The following TSHZ2 variants were observed in gnomAD, a reference collection of about 807,000 sequenced individuals.
TSHZ2 encodes the protein teashirt homolog 2.
In TSHZ2, 21 loss-of-function variants were observed where a neutral mutation model predicts 74.4. That is an observed-to-expected ratio of 0.28 (90% confidence interval 0.20 to 0.41). TSHZ2 has a LOEUF of 0.41. Among genes scored for constraint, TSHZ2 ranks in the 10% least tolerant of loss-of-function variants. The probability of loss-of-function intolerance (pLI) is 1.00; values close to 1 mark genes in which losing one functional copy is unlikely to be tolerated. For missense variants in TSHZ2, 1,244 were observed against 1,293.5 expected (o/e 0.96, Z 0.59); for synonymous variants, 540 against 515.3 (o/e 1.05, Z -0.65).
At position 52,973,832 on chromosome 20, in the gene TSHZ2, G is replaced by C. The variant is rs944267381; in HGVS notation, c.40+499G>C. 3.3e-5 allele frequency among the ~76,000 whole-genome samples: 5 copies of C among 152,216 alleles called. No homozygotes were observed. In the South Asian group the frequency reaches 8.3e-4, roughly 25 times the overall value. ...GGGCCAGCAATAGGAGTTTAGCGTTGATCACCAAGGTGGACAAAATGCCCC... is the reference window on the plus strand; with the variant it reads ...GGGCCAGCAATAGGAGTTTAGCGTTCATCACCAAGGTGGACAAAATGCCCC... On this transcript the variant is annotated intron_variant, in intron 1 of 2. Coordinates refer to ENST00000371497, the MANE Select transcript of TSHZ2 (RefSeq NM_173485.6).
chr20:53,253,420 G>C, intron 1 of TSHZ2, 79 bp from the exon 2 acceptor site: 1 of 1,507,184 alleles, frequency 6.6e-7, no homozygotes, highest in Admixed American at 2.2e-5. Flanking sequence ...GGCATGGGAA[G>C]CACTTAGTCT....
At chr20:53,044,259 T>C (rs953353036) in intron 1 of TSHZ2, among the ~76,000 whole-genome samples, 6 of 152,186 alleles carry the variant, frequency 3.9e-5, no homozygotes, top group African/African-American at 1.4e-4. Flanking sequence ...CGTTTCAGAT[T>C]TTGGAGTCTT....
intron 2 of TSHZ2, among the ~76,000 whole-genome samples, chr20:53,338,195 G>A (rs1383504988): frequency 1.3e-5 from 2 of 152,216 alleles, no homozygotes; most frequent in Admixed American, 6.5e-5. Context: ...TATCTGAGCA[G>A]AGAGAATGTC....
Position 53,173,234 on chromosome 20 carries a change from C to G in TSHZ2, c.41-80265C>G, listed in dbSNP as rs1389560672. Among the ~76,000 whole-genome samples the G allele has an allele frequency of 3.9e-5, 6 of 152,314 alleles. No individual in the cohort carries two copies. The East Asian group carries it at 1.2e-3, about 29-fold the overall frequency. ...TAAAGTAGATTAAAATAAAAATCAC[C>G]AAATTGTCCATCCATAAAGGATTGG... On this transcript the variant is annotated intron_variant, in intron 1 of 2. Transcript: ENST00000371497.
chr20:53,093,844 A>G (rs1555824037), intron 1 of TSHZ2, among the ~76,000 whole-genome samples: 1 of 152,240 alleles, frequency 6.6e-6, no homozygotes, highest in Non-Finnish European at 1.5e-5. Context: ...AATCATTATC[A>G]TCATGAATAA....
At chr20:53,226,851 T>TC (rs958106872) in intron 1 of TSHZ2, among the ~76,000 whole-genome samples, 2 of 151,800 alleles carry the variant, frequency 1.3e-5, no homozygotes, top group East Asian at 3.9e-4. Context: ...GGAGGCAAAA[T>TC]CCCCCCGTTG....
At position 53,329,065 on chromosome 20, in the gene TSHZ2, AATTC is replaced by A. The variant is rs1209558862; in HGVS notation, c.*8+72496_*8+72499del. Among the ~76,000 whole-genome samples, 4 of 152,366 alleles carry A rather than the reference AATTC, an allele frequency of 2.6e-5. No individual in the cohort carries two copies. In the East Asian group the frequency reaches 7.7e-4, roughly 29 times the overall value. On this transcript the variant is annotated intron_variant, in intron 2 of 2. Coordinates refer to ENST00000371497, the MANE Select transcript of TSHZ2 (RefSeq NM_173485.6). ...TACTAGAAAATCAGGTTCTACCATA[AATTC>A]AAGGTCTGACTATTGCCATCGGAAG... is the stretch of plus-strand genomic sequence containing the variant.
At chr20:53,467,243 C>T (rs8114828) in intron 2 of TSHZ2, among the ~76,000 whole-genome samples, 2,540 of 152,224 alleles carry the variant, frequency 0.017, 72 homozygotes, top group African/African-American at 0.058. Context: ...CTTAGCTTCC[C>T]TTCTGAATTG....
intron 2 of TSHZ2, among the ~76,000 whole-genome samples, chr20:53,348,357 C>G (rs200626): frequency 0.61 from 92,863 of 152,054 alleles, 28,532 homozygotes; most frequent in East Asian, 0.63. Context: ...GTCTTTTCAT[C>G]GTTACATCCT....
intron 2 of TSHZ2, among the ~76,000 whole-genome samples, chr20:53,431,383 G>C (rs1245232179): frequency 6.6e-6 from 1 of 151,918 alleles, no homozygotes; most frequent in Admixed American, 6.6e-5. Flanking sequence ...TTGAACCCAG[G>C]AGGCAGAGGT....
rs994467691 is a variant in TSHZ2 at position 53,449,236 on chromosome 20, G to A, written c.*9-37908G>A. The stretch of plus-strand genomic sequence containing the variant: ...AGAGCCCTAGGTTCAAACCATACCT[G>A]GGATATTTTGTGCCTGTTCTTTAGA... On this transcript the variant is annotated intron_variant, in intron 2 of 2. Coordinates refer to ENST00000371497, the MANE Select transcript of TSHZ2 (RefSeq NM_173485.6). Among the ~76,000 whole-genome samples, 22 of 152,138 alleles carry A rather than the reference G, an allele frequency of 1.4e-4. 1 individual carries two copies. The highest frequency in any genetic ancestry group is 1.3e-3 in the Admixed American group (20 of 15,276).
intron 1 of TSHZ2, among the ~76,000 whole-genome samples, chr20:53,092,782 T>A (rs1985922800): frequency 6.6e-6 from 1 of 152,190 alleles, no homozygotes; most frequent in African/African-American, 2.4e-5. Context: ...TCACGTTTGT[T>A]TTGGACATTC....
chr20:53,285,728 AAAAG>A (rs751891787), intron 2 of TSHZ2, among the ~76,000 whole-genome samples: 11 of 151,480 alleles, frequency 7.3e-5, no homozygotes, highest in Non-Finnish European at 1.6e-4. Flanking sequence ...AGAGAAAAAA[AAAAG>A]AAAGAAAGAA....
chr20:53,411,026 T>C (rs1983037427), intron 2 of TSHZ2, among the ~76,000 whole-genome samples: 1 of 152,184 alleles, frequency 6.6e-6, no homozygotes, highest in African/African-American at 2.4e-5. Flanking sequence ...CAATGTTCCC[T>C]GGATCCTGCT....
At chr20:53,389,367 T>C (rs1982167795) in intron 2 of TSHZ2, among the ~76,000 whole-genome samples, 1 of 152,190 alleles carries the variant, frequency 6.6e-6, no homozygotes, top group African/African-American at 2.4e-5. Context: ...TCCTACACGA[T>C]TGTGTCTCTA....
intron 2 of TSHZ2, among the ~76,000 whole-genome samples, chr20:53,300,708 C>T (rs553042347): frequency 2.0e-4 from 30 of 152,284 alleles, no homozygotes; most frequent in African/African-American, 4.8e-4. Flanking sequence ...CATCAGTCAA[C>T]ATCACTAAGT....
chr20:53,073,659 A>G (rs987887839), intron 1 of TSHZ2, among the ~76,000 whole-genome samples: 22 of 152,238 alleles, frequency 1.4e-4, no homozygotes, highest in African/African-American at 5.3e-4. Flanking sequence ...AGGGGATGAT[A>G]CGGGATGAGC....
rs1985321719 is a variant in TSHZ2, at chr20:53,074,994, C to T, written c.40+101661C>T. Among the ~76,000 whole-genome samples the T allele has an allele frequency of 6.6e-6, 1 of 152,158 alleles. No individual in the cohort carries two copies. The highest frequency in any genetic ancestry group is 2.4e-5 in the African/African-American group (1 of 41,434). On this transcript the variant is annotated intron_variant, in intron 1 of 2. Coordinates refer to ENST00000371497, the MANE Select transcript of TSHZ2 (RefSeq NM_173485.6). This position sits in a 1 kb window ranked among gnomAD's most constrained non-coding sequence, Gnocchi z 5.9. ...CCTCTTTTGTCGCTGACGTTTCCTC[C>T]ATGTGGAAAGCTTTGAAAGTGCTCC...
intron 1 of TSHZ2, among the ~76,000 whole-genome samples, chr20:53,226,419 T>C (rs1274236963): frequency 6.6e-6 from 1 of 150,482 alleles, no homozygotes; most frequent in Non-Finnish European, 1.5e-5. Flanking sequence ...TCATGAAGTG[T>C]GTGGGTCGGT....
Sources: allele counts gnomAD v4.1 joint callset (sites outside exome capture counted in the v4.1 genomes callset), GRCh38; gene constraint gnomAD v4.1.1; non-coding constraint Gnocchi (gnomAD v3.1); transcripts MANE v1.5; gene names NCBI Gene and HGNC (gene_info 2026-07-23, HGNC 2026-07-21).